The following CSGALNACT1 variants were observed in gnomAD, a reference collection of about 807,000 sequenced individuals.
CSGALNACT1 encodes the protein beta4GalNAcT-1.
In CSGALNACT1, 52 loss-of-function variants were observed where a neutral mutation model predicts 51.0. The ratio of observed to expected loss-of-function variants is 1.02; its 90% CI spans 0.82 to 1.29. CSGALNACT1 has a LOEUF of 1.29. Among genes scored for constraint, CSGALNACT1 ranks in the 50% most tolerant of loss-of-function variants. The probability of loss-of-function intolerance (pLI) is 0.00; values close to 1 mark genes in which losing one functional copy is unlikely to be tolerated. For missense variants in CSGALNACT1, 935 were observed against 679.2 expected (o/e 1.38, Z -4.19); for synonymous variants, 341 against 254.4 (o/e 1.34, Z -3.24).
intron 3 of CSGALNACT1, among the ~76,000 whole-genome samples, chr8:19,523,112 C>T (rs890708961): frequency 2.0e-5 from 3 of 152,206 alleles, no homozygotes; most frequent in Non-Finnish European, 4.4e-5. Context: ...GGAACAAGAC[C>T]ATCAGAGTTC....
intron 4 of CSGALNACT1, among the ~76,000 whole-genome samples, chr8:19,476,101 C>A (rs1022410046): frequency 2.0e-5 from 3 of 152,108 alleles, no homozygotes; most frequent in African/African-American, 7.2e-5. Context: ...TTGTACCTCT[C>A]TAAAGAATAA....
chr8:19,505,324 G>T, exon 4 of CSGALNACT1: 1 of 1,614,152 alleles, frequency 6.2e-7, no homozygotes, highest in East Asian at 2.2e-5. Context: ...TTCCTCACAG[G>T]CTTCTCCTCG....
At chr8:19,579,245 C>A (rs2045013057) in intron 3 of CSGALNACT1, among the ~76,000 whole-genome samples, 1 of 152,214 alleles carries the variant, frequency 6.6e-6, no homozygotes, top group Non-Finnish European at 1.5e-5. Flanking sequence ...GCTCACGTCA[C>A]TTTCCTCTGT....
In CSGALNACT1 at chr8:19,757,526, C is replaced by A. The variant is rs2065475728; in HGVS notation, c.-297+324G>T. On this transcript the variant is annotated intron_variant, in intron 1 of 1. Coordinates refer to the CSGALNACT1 transcript ENST00000517494. This position sits in a 1 kb window ranked among gnomAD's most constrained non-coding sequence, Gnocchi z 4.0. ...GGCGCCCTGGCCGAAGCCTGTCACT[C>A]TCGGAAGGGGCCGCGCTCGGACACC... Among the ~76,000 whole-genome samples, 1 of 152,130 alleles carries A rather than the reference C, an allele frequency of 6.6e-6. No homozygotes were observed. Among genetic ancestry groups the A allele is most frequent in the East Asian group, 1.9e-4 (1 of 5,154 alleles).
At chr8:19,471,601 G>A (rs934297001) in intron 4 of CSGALNACT1, among the ~76,000 whole-genome samples, 1 of 152,206 alleles carries the variant, frequency 6.6e-6, no homozygotes. Flanking sequence ...GTAGGGGTTC[G>A]ACGCCGGTAA....
intron 1 of CSGALNACT1, among the ~76,000 whole-genome samples, chr8:19,741,177 T>C (rs1435657690): frequency 1.3e-5 from 2 of 152,204 alleles, no homozygotes; most frequent in Non-Finnish European, 2.9e-5. Context: ...TTTAATCATC[T>C]GCATGGATAG....
intron 4 of CSGALNACT1, among the ~76,000 whole-genome samples, chr8:19,491,647 C>G (rs947255829): frequency 6.6e-6 from 1 of 152,164 alleles, no homozygotes; most frequent in Non-Finnish European, 1.5e-5. Context: ...ATCTTTTGCT[C>G]ATGTATCTTT....
rs759123412 is a variant in CSGALNACT1 at position 19,457,668 on chromosome 8, A to G, written c.851+758T>C. 6 of 1,294,928 alleles carry G rather than the reference A, an allele frequency of 4.6e-6. No homozygotes were observed. In the African/African-American group the frequency reaches 6.1e-5, roughly 13 times the overall value. The allele number at this position is 1,294,928 out of a possible 1,614,324, so 80.2% of individuals were successfully genotyped here. On this transcript the variant is annotated intron_variant, in intron 5 of 9. Coordinates refer to ENST00000454498, the Ensembl canonical transcript of CSGALNACT1. ...CTTTCAAGATTTATAATTAGACAGT[A>G]GGATTTTCTATGTTTAAAACAAGCT...
intron 1 of CSGALNACT1, among the ~76,000 whole-genome samples, chr8:19,690,276 C>T (rs909585018): frequency 6.6e-6 from 1 of 152,180 alleles, no homozygotes; most frequent in Non-Finnish European, 1.5e-5. Context: ...ACATTAACTG[C>T]ATTTATAGCC....
intron 1 of CSGALNACT1, among the ~76,000 whole-genome samples, chr8:19,623,738 T>G (rs1029783197): frequency 6.6e-6 from 1 of 152,224 alleles, no homozygotes; most frequent in Non-Finnish European, 1.5e-5. Flanking sequence ...AAAGAATTCA[T>G]GAATCAGAAA....
At chr8:19,576,518 G>A (rs1686268090) in intron 3 of CSGALNACT1, among the ~76,000 whole-genome samples, 1 of 151,692 alleles carries the variant, frequency 6.6e-6, no homozygotes, top group South Asian at 2.1e-4. Context: ...ACATGAACCT[G>A]CTGCAGTGGT....
At chr8:19,692,382 G>C (rs1311573715) in intron 1 of CSGALNACT1, among the ~76,000 whole-genome samples, 1 of 152,184 alleles carries the variant, frequency 6.6e-6, no homozygotes, top group African/African-American at 2.4e-5. Flanking sequence ...TTAAAGCATA[G>C]TTACCATTGT....
chr8:19,479,019 T>C (rs546099130), intron 4 of CSGALNACT1, among the ~76,000 whole-genome samples: 20 of 152,306 alleles, frequency 1.3e-4, no homozygotes, highest in Admixed American at 3.9e-4. Context: ...TATTTGATGA[T>C]CCTATAGACA....
chr8:19,542,712 T>G (rs2085500536), intron 3 of CSGALNACT1, among the ~76,000 whole-genome samples: 1 of 152,202 alleles, frequency 6.6e-6, no homozygotes, highest in Non-Finnish European at 1.5e-5. Context: ...CTAATCATTT[T>G]TATTAATTCA....
At chr8:19,521,284 AATGTTC>A (rs1205015008) in intron 3 of CSGALNACT1, among the ~76,000 whole-genome samples, 1 of 152,152 alleles carries the variant, frequency 6.6e-6, no homozygotes, top group East Asian at 1.9e-4. Flanking sequence ...AGGCTATTAC[AATGTTC>A]TAAATAAAGG....
intron 1 of CSGALNACT1, among the ~76,000 whole-genome samples, chr8:19,739,422 G>C (rs1186195429): frequency 3.3e-5 from 5 of 151,952 alleles, no homozygotes; most frequent in Non-Finnish European, 7.4e-5. Flanking sequence ...TCTTCTCTCT[G>C]GGTTTGAAAC....
intron 3 of CSGALNACT1, among the ~76,000 whole-genome samples, chr8:19,568,690 G>C (rs2042385030): frequency 6.6e-6 from 1 of 152,168 alleles, no homozygotes; most frequent in Non-Finnish European, 1.5e-5. Flanking sequence ...ATTCTATTCA[G>C]TCAATACATC....
chr8:19,755,967 A>G (rs927187613), intron 1 of CSGALNACT1, among the ~76,000 whole-genome samples: 1 of 152,058 alleles, frequency 6.6e-6, no homozygotes, highest in Admixed American at 6.6e-5. Context: ...GCAGCCCAAC[A>G]CCTAGTCCCC....
intron 1 of CSGALNACT1, among the ~76,000 whole-genome samples, chr8:19,664,307 A>G (rs1253622482): frequency 6.6e-6 from 1 of 152,188 alleles, no homozygotes; most frequent in African/African-American, 2.4e-5. Context: ...AGCAGTCAGA[A>G]TGGCTACTAT....
Sources: allele counts gnomAD v4.1 joint callset (sites outside exome capture counted in the v4.1 genomes callset), GRCh38; gene constraint gnomAD v4.1.1; non-coding constraint Gnocchi (gnomAD v3.1); transcripts MANE v1.5; gene names NCBI Gene and HGNC (gene_info 2026-07-23, HGNC 2026-07-21).